Variants in LRP1B observed in about 807,000 individuals in gnomAD.
LRP1B encodes the protein LDL receptor related protein 1B.
Under a neutral mutation model 556.6 loss-of-function variants are expected in LRP1B, and 217 were observed. The observed-to-expected ratio is 0.39, with a 90% CI of 0.35 to 0.44. The LOEUF (loss-of-function observed/expected upper bound fraction) is 0.44. Among genes scored for constraint, LRP1B ranks in the 20% least tolerant of loss-of-function variants. The pLI, the probability that LRP1B is intolerant of heterozygous loss-of-function variation, is 1.00. For missense variants in LRP1B, 5,053 were observed against 5,620.8 expected, an observed-to-expected ratio of 0.90 and a Z score of 3.23; for synonymous variants, 2,047 against 1,865.8, an observed-to-expected ratio of 1.10 and a Z score of -2.50.
At chr2:142,061,951 T>C (rs1704935080) in intron 1 of LRP1B, among the ~76,000 whole-genome samples, 1 of 151,870 alleles carries the variant, frequency 6.6e-6, no homozygotes, top group African/African-American at 2.4e-5. Flanking sequence ...TCTCCAACAG[T>C]GACTGTCAAT....
intron 3 of LRP1B, among the ~76,000 whole-genome samples, chr2:141,382,433 G>A (rs1689676759): frequency 6.6e-6 from 1 of 152,230 alleles, no homozygotes; most frequent in Non-Finnish European, 1.5e-5. Flanking sequence ...TAGAAGATAT[G>A]TGCTTATTTG....
At chr2:141,038,303 G>A (rs948737746) in intron 11 of LRP1B, among the ~76,000 whole-genome samples, 1 of 152,018 alleles carries the variant, frequency 6.6e-6, no homozygotes, top group Non-Finnish European at 1.5e-5. Flanking sequence ...ATTTTGATTT[G>A]TGTGTATATA....
In LRP1B at chr2:141,034,591, A is replaced by C. The variant is rs569685216; in HGVS notation, c.1789+14395T>G. Among the ~76,000 whole-genome samples, 469 of 152,094 alleles carry C rather than the reference A, an allele frequency of 3.1e-3. 3 individuals carry two copies. Among genetic ancestry groups the C allele is most frequent in the African/African-American group, 0.011 (456 of 41,382 alleles). On this transcript the variant is annotated intron_variant, in intron 11 of 90. Transcript: ENST00000389484. ...TAAAAGAGGACATTTATGCAGCCAA[A>C]AAACACATGAAAAAATGCTCATCAT...
intron 7 of LRP1B, among the ~76,000 whole-genome samples, chr2:141,160,106 A>ATT (rs200934360): frequency 9.3e-5 from 14 of 151,278 alleles, no homozygotes; most frequent in East Asian, 3.9e-4. Flanking sequence ...CCCATTTCTT[A>ATT]TTTTTTTTTA....
intron 3 of LRP1B, among the ~76,000 whole-genome samples, chr2:141,349,811 T>C (rs1289357646): frequency 6.6e-6 from 1 of 152,086 alleles, no homozygotes; most frequent in Non-Finnish European, 1.5e-5. Context: ...CTGAGTTTTC[T>C]TTCAATTTCA....
intron 20 of LRP1B, among the ~76,000 whole-genome samples, chr2:140,924,608 A>G (rs1694834735): frequency 1.3e-5 from 2 of 152,106 alleles, no homozygotes; most frequent in African/African-American, 4.8e-5. Flanking sequence ...CATGAATTGT[A>G]ATAGAAAACC....
intron 2 of LRP1B, among the ~76,000 whole-genome samples, chr2:141,567,508 T>G (rs16846515): frequency 0.028 from 4,261 of 152,218 alleles, 218 homozygotes; most frequent in African/African-American, 0.094. Flanking sequence ...TCTTAAAGCA[T>G]TCAACCTATA....
intron 2 of LRP1B, among the ~76,000 whole-genome samples, chr2:141,795,857 AATATATATATATATATATATATATATAT>A (rs1198211801): frequency 5.8e-5 from 3 of 51,612 alleles, no homozygotes; most frequent in South Asian, 1.3e-3. Context: ...AACCAGGAGC[AATATATATATATATATATATATATATAT>A]ATATATATAT....
intron 41 of LRP1B, among the ~76,000 whole-genome samples, chr2:140,664,846 A>T (rs556961244): frequency 7.3e-5 from 11 of 150,656 alleles, no homozygotes; most frequent in South Asian, 2.1e-4. Flanking sequence ...AAAACATTAT[A>T]AAAAAAATTC....
rs373975350 is a variant in LRP1B, at chr2:142,105,544, G to A, written c.82+25104C>T. 1.2e-4 allele frequency among the ~76,000 whole-genome samples: 18 copies of A among 151,282 alleles called. No homozygotes were observed. The South Asian group carries it at 3.8e-3, about 32-fold the overall frequency. ...ATTTTCTATGGAATTTTCTGCTTAT[G>A]GTTGATGAATTAGTTATCAGTCTTA... On this transcript the variant is annotated intron_variant, in intron 1 of 90. Coordinates refer to ENST00000389484, the MANE Select transcript of LRP1B (RefSeq NM_018557.3).
At chr2:141,146,448 G>A (rs186648912) in intron 7 of LRP1B, among the ~76,000 whole-genome samples, 65 of 152,210 alleles carry the variant, frequency 4.3e-4, no homozygotes, top group African/African-American at 1.5e-3. Flanking sequence ...TTACCATGTC[G>A]TGTGCTCTAT....
intron 2 of LRP1B, among the ~76,000 whole-genome samples, chr2:141,669,148 T>C (rs1690566739): frequency 6.6e-6 from 1 of 152,126 alleles, no homozygotes; most frequent in South Asian, 2.1e-4. Flanking sequence ...TGACTATATT[T>C]GGAGATAGGG....
chr2:140,821,390 C>A (rs1691324268), intron 31 of LRP1B, among the ~76,000 whole-genome samples: 2 of 152,088 alleles, frequency 1.3e-5, no homozygotes, highest in South Asian at 4.1e-4. Context: ...TTCTTTGTAA[C>A]CTGTTTGTAA....
At position 142,074,612 on chromosome 2, in the gene LRP1B, AC is replaced by A. The variant is rs1388902285; in HGVS notation, c.82+56035del. On this transcript the variant is annotated intron_variant, in intron 1 of 90. Coordinates refer to ENST00000389484, the MANE Select transcript of LRP1B (RefSeq NM_018557.3). Reference sequence around the variant, plus strand: ...TCAATATGTTTCCAGCTGGAAAACCACCCTTTTGCCTCTACTGGCTCTGCCT... The same window carrying A: ...TCAATATGTTTCCAGCTGGAAAACCACCTTTTGCCTCTACTGGCTCTGCCT... Among the ~76,000 whole-genome samples the A allele has an allele frequency of 2.0e-5, 3 of 151,796 alleles. No individual in the cohort carries two copies. In the East Asian group the frequency reaches 5.8e-4, roughly 30 times the overall value.
At chr2:141,226,487 T>C (rs1683254999) in intron 6 of LRP1B, among the ~76,000 whole-genome samples, 1 of 152,172 alleles carries the variant, frequency 6.6e-6, no homozygotes, top group Non-Finnish European at 1.5e-5. Flanking sequence ...TGCAATGTTT[T>C]TCTTCTCATA....
At chr2:140,346,146 C>T (rs1681673168) in intron 77 of LRP1B, among the ~76,000 whole-genome samples, 1 of 151,438 alleles carries the variant, frequency 6.6e-6, no homozygotes, top group African/African-American at 2.4e-5. Flanking sequence ...TCTAAAAACT[C>T]AGCACCAAAA....
At chr2:140,792,933 A>C (rs1257815048) in intron 32 of LRP1B, among the ~76,000 whole-genome samples, 2 of 152,072 alleles carry the variant, frequency 1.3e-5, no homozygotes, top group Admixed American at 6.5e-5. Flanking sequence ...CAATATCTAT[A>C]ATTTCCAAAA....
intron 3 of LRP1B, among the ~76,000 whole-genome samples, chr2:141,426,931 T>C (rs187670089): frequency 6.6e-6 from 1 of 152,278 alleles, no homozygotes; most frequent in Non-Finnish European, 1.5e-5. Context: ...AATGTGCAGG[T>C]TTGTTACATA....
rs544328388 is a variant in LRP1B, at chr2:141,339,653, G to A, written c.344-85012C>T. On this transcript the variant is annotated intron_variant, in intron 3 of 90. Coordinates refer to ENST00000389484, the MANE Select transcript of LRP1B (RefSeq NM_018557.3). The stretch of plus-strand genomic sequence containing the variant: ...CCTTGTATATTCTCTAACCACTGGC[G>A]AAACCAGTCTCAGTTTGAATGTGGC... Among the ~76,000 whole-genome samples, 32 of 152,272 alleles carry A rather than the reference G, an allele frequency of 2.1e-4. No homozygotes were observed. In the South Asian group the frequency reaches 4.4e-3, roughly 21 times the overall value.
Sources: gnomAD v4.1 joint callset for allele counts (sites outside exome capture counted in the v4.1 genomes callset) on GRCh38, gnomAD v4.1.1 for gene constraint, MANE v1.5 for transcripts, NCBI Gene and HGNC (gene_info 2026-07-23, HGNC 2026-07-21) for gene names.